MAML2: variants seen among roughly 807,000 people sequenced by gnomAD.
MAML2 encodes mastermind like transcriptional coactivator 2.
In MAML2, 22 loss-of-function variants were observed where a neutral mutation model predicts 96.1. The ratio of observed to expected loss-of-function variants is 0.23; its 90% CI spans 0.16 to 0.33. MAML2 has a LOEUF of 0.33. Among genes scored for constraint, MAML2 ranks in the 10% least tolerant of loss-of-function variants. MAML2 has a pLI of 1.00. For synonymous variants in MAML2, 561 were observed against 521.3 expected (o/e 1.08, Z -1.04); for missense variants, 1,367 against 1,392.4 (o/e 0.98, Z 0.29).
At chr11:96,277,650 G>T in intron 1 of MAML2, among the ~76,000 whole-genome samples, 1 of 151,204 alleles carries the variant, frequency 6.6e-6, no homozygotes, top group South Asian at 2.1e-4. Flanking sequence ...TATCTGGGAG[G>T]CTGAGGCAGG....
rs185910366 is a variant in MAML2, at chr11:96,228,244, C to T, written c.513+113139G>A. Among the ~76,000 whole-genome samples the T allele has an allele frequency of 2.3e-4, 35 of 152,236 alleles. 1 individual carries two copies. Among genetic ancestry groups the T allele is most frequent in the South Asian group, 1.0e-3 (5 of 4,822 alleles). ...GACATTTTTGCTGCCTGGCTAACTCCCCATGGCATCAGCTAACTTCAATCA... is the reference window on the plus strand; with the variant it reads ...GACATTTTTGCTGCCTGGCTAACTCTCCATGGCATCAGCTAACTTCAATCA... On this transcript the variant is annotated intron_variant, in intron 1 of 4. Transcript: ENST00000524717.
chr11:96,157,647 T>C (rs144135834), intron 1 of MAML2, among the ~76,000 whole-genome samples: 1 of 152,286 alleles, frequency 6.6e-6, no homozygotes, highest in Non-Finnish European at 1.5e-5. Flanking sequence ...ATTTTACTTA[T>C]CTGTATGTAT....
intron 1 of MAML2, among the ~76,000 whole-genome samples, chr11:96,299,081 A>ATATATATATATATATATAT (rs1487119307): frequency 1.8e-4 from 25 of 136,330 alleles, no homozygotes; most frequent in East Asian, 4.2e-4. Flanking sequence ...ATATATATAT[A>ATATATATATATATATATAT]AAATTTCACC....
intron 1 of MAML2, among the ~76,000 whole-genome samples, chr11:96,242,519 T>C (rs966400580): frequency 1.3e-5 from 2 of 152,162 alleles, no homozygotes; most frequent in Non-Finnish European, 2.9e-5. Context: ...GGGGAAAACA[T>C]TTTCCAGTTG....
chr11:96,243,518 G>C (rs1862467397), intron 1 of MAML2, among the ~76,000 whole-genome samples: 1 of 152,334 alleles, frequency 6.6e-6, no homozygotes, highest in Non-Finnish European at 1.5e-5. Context: ...GACCTCGCGA[G>C]AGCCATCACC....
At chr11:96,218,928 C>G (rs1862091716) in intron 1 of MAML2, among the ~76,000 whole-genome samples, 1 of 152,084 alleles carries the variant, frequency 6.6e-6, no homozygotes, top group East Asian at 1.9e-4. Flanking sequence ...ATCTGGCAAC[C>G]CTATATCTGG....
At chr11:96,024,650 C>A (rs912664981) in intron 2 of MAML2, among the ~76,000 whole-genome samples, 9 of 152,170 alleles carry the variant, frequency 5.9e-5, no homozygotes, top group Admixed American at 2.6e-4. Flanking sequence ...AAATTTCAAA[C>A]CATTATCTGT....
At position 96,008,023 on chromosome 11, in the gene MAML2, T is replaced by TA. The variant is rs369841167; in HGVS notation, c.2140-16301dup. Among the ~76,000 whole-genome samples, 46 of 83,574 alleles carry TA rather than the reference T, an allele frequency of 5.5e-4. 1 individual carries two copies. The highest frequency in any genetic ancestry group is 5.7e-4 in the East Asian group (1 of 1,760). The allele number at this position is 83,574 out of a possible 152,430, so 54.8% of individuals were successfully genotyped here. On this transcript the variant is annotated intron_variant, in intron 2 of 4. Coordinates refer to ENST00000524717, the MANE Select transcript of MAML2 (RefSeq NM_032427.4). The stretch of plus-strand genomic sequence containing the variant: ...CACATGTACCCTAAAACTTAAAGTA[T>TA]AAAAAAAAAAAAAAAATTTTTCAGT...
intron 1 of MAML2, among the ~76,000 whole-genome samples, chr11:96,213,731 A>G (rs147602487): frequency 7.1e-4 from 108 of 152,338 alleles, no homozygotes; most frequent in African/African-American, 2.4e-3. Context: ...GTTCCCCACC[A>G]TTAGTCATCA....
intron 1 of MAML2, among the ~76,000 whole-genome samples, chr11:96,281,167 A>G (rs561333009): frequency 1.3e-5 from 2 of 152,346 alleles, no homozygotes; most frequent in East Asian, 3.9e-4. Context: ...AAGTGTATGT[A>G]TGGGGGTAAT....
At chr11:96,008,792 AC>A (rs1196401591) in intron 2 of MAML2, among the ~76,000 whole-genome samples, 8 of 152,158 alleles carry the variant, frequency 5.3e-5, no homozygotes, top group Admixed American at 2.6e-4. Flanking sequence ...AACTAAACTA[AC>A]GGAGTCAACT....
intron 2 of MAML2, among the ~76,000 whole-genome samples, chr11:96,046,576 C>T (rs1858904735): frequency 6.6e-6 from 1 of 152,170 alleles, no homozygotes; most frequent in Admixed American, 6.5e-5. Flanking sequence ...ATTCTGAATA[C>T]ACAGGACAAT....
intron 1 of MAML2, among the ~76,000 whole-genome samples, chr11:96,224,999 T>C (rs2135949860): frequency 6.6e-6 from 1 of 152,382 alleles, no homozygotes; most frequent in African/African-American, 2.4e-5. Context: ...TTGTGATACA[T>C]TGCACTACTT....
rs1478216690 is a variant in MAML2 at position 96,341,521 on chromosome 11, C to T, written c.375G>A (p.Pro125=). The change falls in exon 1 of 5, where the codon CCG becomes CCA. Residue 125 remains proline (P), a synonymous_variant. Coordinates refer to ENST00000524717, the MANE Select transcript of MAML2 (RefSeq NM_032427.4). ...ASQAAATAAP[P]PPPDYHHHHQ... ...GGTGATGGTGATAGTCTGGTGGGGG[C>T]GGTGGGGCTGCTGTTGCTGCTGCTT... is the stretch of plus-strand genomic sequence containing the variant. The T allele has an allele frequency of 6.7e-7, 1 of 1,481,644 alleles. No homozygotes were observed. The allele number at this position is 1,481,644 out of a possible 1,614,324, so 91.8% of individuals were successfully genotyped here. A position where few individuals can be genotyped will look rare whatever the true frequency, so the allele number is the denominator to read the frequency against.
intron 1 of MAML2, among the ~76,000 whole-genome samples, chr11:96,323,639 C>T (rs1425144642): frequency 6.6e-6 from 1 of 152,204 alleles, no homozygotes; most frequent in Non-Finnish European, 1.5e-5. Flanking sequence ...ATAATCTGGT[C>T]CTGATGCATT....
intron 1 of MAML2, among the ~76,000 whole-genome samples, chr11:96,118,431 G>T (rs924328456): frequency 6.6e-6 from 1 of 152,128 alleles, no homozygotes; most frequent in Non-Finnish European, 1.5e-5. Context: ...CATGAAAGAC[G>T]TGCCTTGCTT....
intron 3 of MAML2, among the ~76,000 whole-genome samples, chr11:95,990,978 G>A (rs1301583609): frequency 6.6e-6 from 1 of 151,834 alleles, no homozygotes; most frequent in African/African-American, 2.4e-5. Context: ...ATTAAAAGTA[G>A]TGGCAAAAAT....
intron 1 of MAML2, among the ~76,000 whole-genome samples, chr11:96,249,368 A>G (rs1862553213): frequency 6.6e-6 from 1 of 152,152 alleles, no homozygotes. Flanking sequence ...AGCCTTAAAT[A>G]CATAAATGTA....
intron 1 of MAML2, among the ~76,000 whole-genome samples, chr11:96,111,000 G>A (rs4753725): frequency 0.38 from 57,386 of 151,878 alleles, 11,734 homozygotes; most frequent in East Asian, 0.73. Flanking sequence ...TGCCTATCAT[G>A]TATTATCAAG....
Sources: gnomAD v4.1 joint callset for allele counts (sites outside exome capture counted in the v4.1 genomes callset) on GRCh38, gnomAD v4.1.1 for gene constraint, MANE v1.5 for transcripts, NCBI Gene and HGNC (gene_info 2026-07-23, HGNC 2026-07-21) for gene names.